KLRD1: variants seen among roughly 807,000 people sequenced by gnomAD.
The protein encoded by KLRD1 is killer cell lectin like receptor D1.
A neutral mutation model predicts 22.6 loss-of-function variants in KLRD1; 21 were observed. That is an observed-to-expected ratio of 0.93 (90% CI 0.66 to 1.34). The LOEUF (loss-of-function observed/expected upper bound fraction) is 1.34. Ranked by LOEUF, KLRD1 falls within the 40% of genes most tolerant of loss-of-function variation. The pLI, the probability that KLRD1 is intolerant of heterozygous loss-of-function variation, is 0.00. For synonymous variants in KLRD1, 59 were observed against 71.1 expected, an observed-to-expected ratio of 0.83 and a Z score of 0.85; for missense variants, 183 against 208.6, an observed-to-expected ratio of 0.88 and a Z score of 0.76.
chr12:10,294,119 T>G (rs1949801163), intron 1 of KLRD1, among the ~76,000 whole-genome samples: 1 of 152,156 alleles, frequency 6.6e-6, no homozygotes, highest in Non-Finnish European at 1.5e-5. Context: ...TGAAAGTCAT[T>G]GCTACTCTTT....
intron 1 of KLRD1, among the ~76,000 whole-genome samples, chr12:10,239,484 T>TCCTTCCTTC (rs1555098504): frequency 5.5e-5 from 7 of 127,466 alleles, no homozygotes; most frequent in African/African-American, 1.6e-4. Flanking sequence ...CTTCCTTCCT[T>TCCTTCCTTC]CTTCCTTCCT....
Position 10,327,134 on chromosome 12 carries a change from C to T in KLRD1, c.*12341C>T, listed in dbSNP as rs1406322802. On this transcript the variant is annotated 3_prime_UTR_variant, in exon 6 of 6. Transcript: ENST00000336164. Reference sequence around the variant, plus strand: ...TTGCAATATGGATGTTCATTTTTCCCGTCACTGTTTGTTGAAGAAACTGTC... The same window carrying T: ...TTGCAATATGGATGTTCATTTTTCCTGTCACTGTTTGTTGAAGAAACTGTC... 1.3e-5 allele frequency: 2 copies of T among 152,130 alleles called. No homozygotes were observed. The highest frequency in any genetic ancestry group is 4.8e-5 in the African/African-American group (2 of 41,438). 9.4% of individuals were successfully genotyped at this position (152,130 alleles called of 1,614,324 possible).
rs182099483 is a variant in KLRD1, at chr12:10,294,270, C to A, written c.-100-13708C>A. 8.2e-4 allele frequency among the ~76,000 whole-genome samples: 125 copies of A among 152,244 alleles called. 1 individual carries two copies. The East Asian group carries it at 0.016, about 20-fold the overall frequency. ...CCATGGTGGACTCATTCAGGAAGATCCATCTTAAGAAAAACAAAAAGCAAA... is the reference window on the plus strand; with the variant it reads ...CCATGGTGGACTCATTCAGGAAGATACATCTTAAGAAAAACAAAAAGCAAA... On this transcript the variant is annotated intron_variant, in intron 1 of 5. Coordinates refer to the KLRD1 transcript ENST00000544747.
intron 1 of KLRD1, among the ~76,000 whole-genome samples, chr12:10,247,500 C>T (rs1318328025): frequency 6.6e-6 from 1 of 151,964 alleles, no homozygotes; most frequent in East Asian, 1.9e-4. Flanking sequence ...AGGCTTGATG[C>T]AGTGTTTTGT....
intron 1 of KLRD1, among the ~76,000 whole-genome samples, chr12:10,286,027 C>G (rs1161367583): frequency 6.6e-6 from 1 of 152,174 alleles, no homozygotes; most frequent in Non-Finnish European, 1.5e-5. Context: ...ACTGTTTTCG[C>G]CAGACACGCC....
intron 1 of KLRD1, among the ~76,000 whole-genome samples, chr12:10,288,200 G>A (rs369695921): frequency 4.8e-5 from 7 of 144,744 alleles, no homozygotes; most frequent in African/African-American, 1.6e-4. Context: ...CCGATATTGC[G>A]CCACTGCACT....
intron 1 of KLRD1, among the ~76,000 whole-genome samples, chr12:10,289,865 G>A (rs547326156): frequency 5.3e-4 from 80 of 152,174 alleles, no homozygotes; most frequent in African/African-American, 1.7e-3. Flanking sequence ...TGCAACCTCC[G>A]CCTCCCAGGT....
intron 1 of KLRD1, among the ~76,000 whole-genome samples, chr12:10,246,346 CTACATTTTTA>C: frequency 6.7e-6 from 1 of 149,940 alleles, no homozygotes; most frequent in African/African-American, 2.5e-5. Context: ...TGAATATATA[CTACATTTTTA>C]AGGAACTCAG....
intron 1 of KLRD1, among the ~76,000 whole-genome samples, chr12:10,296,917 G>C (rs934563389): frequency 6.6e-6 from 1 of 152,212 alleles, no homozygotes; most frequent in Non-Finnish European, 1.5e-5. Flanking sequence ...TTGGCACTTG[G>C]TTGTGGGAAG....
intron 1 of KLRD1, among the ~76,000 whole-genome samples, chr12:10,284,278 T>C (rs1446136920): frequency 6.6e-6 from 1 of 152,228 alleles, no homozygotes; most frequent in Admixed American, 6.5e-5. Flanking sequence ...GTCCAATCTA[T>C]ACATAGGTTT....
At position 10,267,927 on chromosome 12, in the gene KLRD1, G is replaced by GGT. The variant is rs143077975; in HGVS notation, c.-100-40047_-100-40046dup. On this transcript the variant is annotated intron_variant, in intron 1 of 5. Coordinates refer to the KLRD1 transcript ENST00000544747. ...GGCTGGAGGCTGGTTCGGGAGAAAG[G>GGT]GTGTGCTTTTAGCTGGGGAAGGGAG... 3.7e-3 allele frequency among the ~76,000 whole-genome samples: 562 copies of GGT among 152,294 alleles called. 2 individuals carry two copies. The highest frequency in any genetic ancestry group is 0.012 in the African/African-American group (508 of 41,574).
intron 1 of KLRD1, among the ~76,000 whole-genome samples, chr12:10,248,219 A>G (rs1372299605): frequency 6.6e-6 from 1 of 151,890 alleles, no homozygotes; most frequent in East Asian, 1.9e-4. Flanking sequence ...TTTCCCCACA[A>G]TTTTTCTAAT....
chr12:10,271,986 A>G (rs35043904), intron 1 of KLRD1, among the ~76,000 whole-genome samples: 1 of 152,196 alleles, frequency 6.6e-6, no homozygotes, highest in Admixed American at 6.5e-5. Flanking sequence ...AAACATATTA[A>G]CCACTCAATA....
chr12:10,263,579 G>A (rs1949473336), intron 1 of KLRD1, among the ~76,000 whole-genome samples: 1 of 152,026 alleles, frequency 6.6e-6, no homozygotes, highest in African/African-American at 2.4e-5. Context: ...GAAGAAATCT[G>A]TCTGCATTTC....
At chr12:10,297,814 C>T (rs1417978252) in intron 1 of KLRD1, among the ~76,000 whole-genome samples, 1 of 152,204 alleles carries the variant, frequency 6.6e-6, no homozygotes, top group Non-Finnish European at 1.5e-5. Flanking sequence ...TTGCCTCTTG[C>T]TTTGACACAG....
Position 10,313,495 on chromosome 12 carries a change from C to G in KLRD1, c.401C>G (p.Ser134Cys). ...ACCGCCTGGTTGTGGGAGAATGGCTCTGCACTCTCCCAGTATCTGTAAGTT... is the reference window on the plus strand; with the variant it reads ...ACCGCCTGGTTGTGGGAGAATGGCTGTGCACTCTCCCAGTATCTGTAAGTT... ...EHTAWLWENGSALSQYLFPSF... is the reference protein window; with the variant it reads ...EHTAWLWENGCALSQYLFPSF... The change falls in exon 5 of 6, where the codon TCT becomes TGT. Residue 134 changes from serine (S) to cysteine (C), a missense_variant. Coordinates refer to ENST00000336164, the MANE Select transcript of KLRD1 (RefSeq NM_002262.5). 6.3e-7 allele frequency: 1 copy of G among 1,596,250 alleles called. No homozygotes were observed. Among genetic ancestry groups the G allele is most frequent in the South Asian group, 1.1e-5 (1 of 89,138 alleles).
intron 1 of KLRD1, among the ~76,000 whole-genome samples, chr12:10,275,651 A>G (rs895402107): frequency 5.3e-5 from 8 of 152,242 alleles, no homozygotes; most frequent in Non-Finnish European, 1.0e-4. Context: ...CAAAGTTCAC[A>G]GTTACAATGG....
chr12:10,239,581 TTC>T (rs1415301662), intron 1 of KLRD1, among the ~76,000 whole-genome samples: 2 of 141,548 alleles, frequency 1.4e-5, no homozygotes, highest in Non-Finnish European at 1.5e-5. Flanking sequence ...CTTTCTTTCT[TTC>T]TTTTTCTTTC....
intron 1 of KLRD1, among the ~76,000 whole-genome samples, chr12:10,274,738 A>C (rs1021201117): frequency 3.3e-5 from 5 of 151,364 alleles, no homozygotes; most frequent in Non-Finnish European, 7.4e-5. Flanking sequence ...TCAAAAAATT[A>C]TATTTAGTTC....
Sources: gnomAD v4.1 joint callset for allele counts (sites outside exome capture counted in the v4.1 genomes callset) on GRCh38, gnomAD v4.1.1 for gene constraint, MANE v1.5 for transcripts, NCBI Gene and HGNC (gene_info 2026-07-23, HGNC 2026-07-21) for gene names.